CTIF: variants seen among roughly 807,000 people sequenced by gnomAD.
The protein encoded by CTIF is cap binding complex dependent translation initiation factor, also known as CBP80/20-dependent translation initiation factor.
In CTIF, 21 loss-of-function variants were observed where a neutral mutation model predicts 66.0. That is an observed-to-expected ratio of 0.32 (90% CI 0.23 to 0.46). The LOEUF is 0.46. CTIF is among the 20% of genes least tolerant of loss of function. The pLI, the probability that CTIF is intolerant of heterozygous loss-of-function variation, is 1.00. For synonymous variants in CTIF, 345 were observed against 326.4 expected (o/e 1.06, Z -0.62); for missense variants, 739 against 812.7 (o/e 0.91, Z 1.10).
intron 6 of CTIF, among the ~76,000 whole-genome samples, chr18:48,686,034 G>T (rs943876115): frequency 3.3e-5 from 5 of 152,158 alleles, no homozygotes; most frequent in African/African-American, 1.2e-4. Flanking sequence ...AGATAGTTGA[G>T]ACTATGTAAA....
chr18:48,653,417 A>G (rs2091192952), intron 3 of CTIF, among the ~76,000 whole-genome samples: 1 of 152,220 alleles, frequency 6.6e-6, no homozygotes, highest in Non-Finnish European at 1.5e-5. Context: ...CCAACTTATA[A>G]GGAATGTGAA....
At chr18:48,838,990 G>C (rs1056735834) in intron 10 of CTIF, among the ~76,000 whole-genome samples, 1 of 152,184 alleles carries the variant, frequency 6.6e-6, no homozygotes, top group Non-Finnish European at 1.5e-5. Flanking sequence ...TCCCGGAGAA[G>C]GACCTCCAGG....
chr18:48,614,409 C>A (rs1443088248), intron 1 of CTIF, among the ~76,000 whole-genome samples: 1 of 152,200 alleles, frequency 6.6e-6, no homozygotes, highest in Non-Finnish European at 1.5e-5. Flanking sequence ...CACTCATATT[C>A]AAAGCAGCAT....
intron 1 of CTIF, among the ~76,000 whole-genome samples, chr18:48,588,833 G>A (rs947854238): frequency 2.6e-5 from 4 of 152,206 alleles, no homozygotes; most frequent in Non-Finnish European, 2.9e-5. Context: ...GCAGGCTTGC[G>A]CAGCTGAACT....
chr18:48,551,273 G>A (rs1381453714), intron 1 of CTIF, among the ~76,000 whole-genome samples: 1 of 151,776 alleles, frequency 6.6e-6, no homozygotes, highest in African/African-American at 2.4e-5. Flanking sequence ...CCTTGATCTT[G>A]GACTTCCAGT....
At chr18:48,713,340 G>A (rs371684215) in intron 7 of CTIF, among the ~76,000 whole-genome samples, 26 of 152,230 alleles carry the variant, frequency 1.7e-4, no homozygotes, top group Middle Eastern at 3.4e-3. Flanking sequence ...ACCTCTCTGC[G>A]CCCAGGCAAT....
At chr18:48,698,943 G>A (rs1393925498) in intron 6 of CTIF, among the ~76,000 whole-genome samples, 1 of 152,148 alleles carries the variant, frequency 6.6e-6, no homozygotes, top group Non-Finnish European at 1.5e-5. Flanking sequence ...ATAAGCCTCA[G>A]CAGAAATGTG....
At chr18:48,751,199 C>T (rs564634462) in intron 7 of CTIF, among the ~76,000 whole-genome samples, 10 of 152,278 alleles carry the variant, frequency 6.6e-5, no homozygotes, top group African/African-American at 2.2e-4. Context: ...TGCCCGAGTC[C>T]AGGGCCTGCG....
intron 10 of CTIF, among the ~76,000 whole-genome samples, chr18:48,834,341 GTA>G (rs2068762614): frequency 1.3e-5 from 2 of 152,216 alleles, no homozygotes; most frequent in Non-Finnish European, 2.9e-5. Flanking sequence ...CATATAATTT[GTA>G]TATGTCACAA....
intron 10 of CTIF, among the ~76,000 whole-genome samples, chr18:48,853,873 C>T (rs1163595636): frequency 1.3e-5 from 2 of 152,184 alleles, no homozygotes; most frequent in Non-Finnish European, 2.9e-5. Context: ...GCAACATGAC[C>T]AGTCCCCAGG....
At chr18:48,725,851 G>A (rs1280728406) in intron 7 of CTIF, among the ~76,000 whole-genome samples, 1 of 152,102 alleles carries the variant, frequency 6.6e-6, no homozygotes, top group Non-Finnish European at 1.5e-5. Context: ...TCCCACTTGA[G>A]GCAAACCCAC....
intron 7 of CTIF, 128 bp downstream of exon 7, chr18:48,711,823 G>T: frequency 1.3e-6 from 1 of 765,612 alleles, no homozygotes. Context: ...GGGGTTGGTG[G>T]CATCGTGGGT....
In CTIF at chr18:48,831,458, AC is replaced by A. The variant is rs150525946; in HGVS notation, c.1527+14083del. On this transcript the variant is annotated intron_variant, in intron 10 of 11. Coordinates refer to ENST00000256413, the MANE Select transcript of CTIF (RefSeq NM_014772.3). ...GTGGGGGCCTGGGCACCTGCTGTAC[AC>A]TGTGACAGCGCTCAGCAGGGCCCTC... is the stretch of plus-strand genomic sequence containing the variant. 3.5e-3 allele frequency among the ~76,000 whole-genome samples: 538 copies of A among 152,346 alleles called. 4 individuals are homozygous for A. The highest frequency in any genetic ancestry group is 0.026 in the East Asian group (136 of 5,182).
chr18:48,707,632 C>G (rs2092174781), intron 6 of CTIF, among the ~76,000 whole-genome samples: 1 of 151,966 alleles, frequency 6.6e-6, no homozygotes, highest in Admixed American at 6.6e-5. Context: ...CTTCCTCATT[C>G]TCCTTTTTTT....
intron 9 of CTIF, among the ~76,000 whole-genome samples, chr18:48,801,012 A>G (rs1326710557): frequency 6.6e-6 from 1 of 152,216 alleles, no homozygotes; most frequent in Non-Finnish European, 1.5e-5. Context: ...AGGTGGCCCA[A>G]GCCTCCTTGG....
At chr18:48,654,449 A>G (rs1353905861) in intron 3 of CTIF, among the ~76,000 whole-genome samples, 2 of 152,188 alleles carry the variant, frequency 1.3e-5, no homozygotes, top group Non-Finnish European at 2.9e-5. Flanking sequence ...AGTTAGAATG[A>G]CAATCATTAA....
intron 2 of CTIF, among the ~76,000 whole-genome samples, chr18:48,634,552 C>G (rs1362218208): frequency 6.6e-6 from 1 of 152,220 alleles, no homozygotes; most frequent in African/African-American, 2.4e-5. Flanking sequence ...CCCGGTCATG[C>G]ATAGAAGCCT....
Position 48,861,002 on chromosome 18 carries a change from C to T in CTIF, c.*1443C>T, listed in dbSNP as rs2069454445. 3 of 152,272 alleles carry T rather than the reference C, an allele frequency of 2.0e-5. No homozygotes were observed. The highest frequency in any genetic ancestry group is 2.0e-4 in the Admixed American group (3 of 15,278). The allele number at this position is 152,272 out of a possible 1,614,324, so 9.4% of individuals were successfully genotyped here. On this transcript the variant is annotated 3_prime_UTR_variant, in exon 12 of 12. Transcript: ENST00000256413. ...AGCCCCCCCGGAAATGATGTCAGAG[C>T]CTAGCCGCTTCCTTATTTGCTCTTT...
At chr18:48,603,604 T>G (rs2090146360) in intron 1 of CTIF, among the ~76,000 whole-genome samples, 1 of 141,762 alleles carries the variant, frequency 7.1e-6, no homozygotes, top group African/African-American at 2.6e-5. Flanking sequence ...GATGGATGAA[T>G]GGGTGGGTGG....
Sources: gnomAD v4.1 joint callset for allele counts (sites outside exome capture counted in the v4.1 genomes callset) on GRCh38, gnomAD v4.1.1 for gene constraint, MANE v1.5 for transcripts, NCBI Gene and HGNC (gene_info 2026-07-23, HGNC 2026-07-21) for gene names.